Variants in FYB1 observed in about 807,000 individuals in gnomAD.
The protein encoded by FYB1 is FYN-binding protein 1.
FYB1 carries 41 observed loss-of-function variants against 94.1 expected under a neutral mutation model. The observed-to-expected ratio is 0.44, with a 90% confidence interval of 0.34 to 0.57. The LOEUF (loss-of-function observed/expected upper bound fraction) is 0.57. Among genes scored for constraint, FYB1 ranks in the 20% least tolerant of loss-of-function variants. The pLI, the probability that FYB1 is intolerant of heterozygous loss-of-function variation, is 0.02. For missense variants in FYB1, 1,050 were observed against 976.8 expected (o/e 1.07, Z -1.00); for synonymous variants, 367 against 353.2 (o/e 1.04, Z -0.44).
At position 39,202,807 on chromosome 5, in the gene FYB1, T is replaced by A; in HGVS notation, c.154A>T (p.Ser52Cys). 1 of 1,613,982 alleles carries A rather than the reference T, an allele frequency of 6.2e-7. No individual in the cohort carries two copies. The highest frequency in any genetic ancestry group is 1.1e-5 in the South Asian group (1 of 91,078). ...QGNASPPAGP[S>C]NVPKFGSPKP... is the part of the protein sequence containing the mutation. Reference sequence around the variant, plus strand: ...GGGGACCCAAACTTAGGTACATTGCTGGGTCCTGCAGGAGGGCTGGCATTT... The same window carrying A: ...GGGGACCCAAACTTAGGTACATTGCAGGGTCCTGCAGGAGGGCTGGCATTT... Residue 52 changes from serine to cysteine, a missense_variant, in exon 2 of 19, where the codon AGC becomes TGC. Coordinates refer to ENST00000512982, the MANE Select transcript of FYB1 (RefSeq NM_001465.6).
At chr5:39,273,318 G>GA (rs202196745) in intron 1 of FYB1, among the ~76,000 whole-genome samples, 3,117 of 150,594 alleles carry the variant, frequency 0.021, 111 homozygotes, top group African/African-American at 0.07. Flanking sequence ...TTCTGCCTTG[G>GA]AAAAAAAAAG....
At chr5:39,146,385 C>T (rs1742662871) in intron 3 of FYB1, among the ~76,000 whole-genome samples, 1 of 152,132 alleles carries the variant, frequency 6.6e-6, no homozygotes, top group Non-Finnish European at 1.5e-5. Context: ...TTTCTCTTTT[C>T]ACTACCAGGC....
At chr5:39,256,915 A>T (rs1435881882) in intron 1 of FYB1, among the ~76,000 whole-genome samples, 1 of 152,248 alleles carries the variant, frequency 6.6e-6, no homozygotes, top group East Asian at 1.9e-4. Flanking sequence ...AAGTGATGGT[A>T]GTTCTTTTGG....
intron 1 of FYB1, among the ~76,000 whole-genome samples, chr5:39,234,545 TCTACCCAAAGGATTATAAATCATGCTA>T (rs1561296571): frequency 6.6e-6 from 1 of 152,192 alleles, no homozygotes; most frequent in Non-Finnish European, 1.5e-5. Context: ...TTACTGGGTA[TCTACCCAAAGGATTATAAATCATGCTA>T]CTATAAAGAC....
At chr5:39,246,234 C>A (rs1028403458) in intron 1 of FYB1, among the ~76,000 whole-genome samples, 5 of 152,046 alleles carry the variant, frequency 3.3e-5, no homozygotes, top group African/African-American at 4.8e-5. Context: ...AAAGAGAGAC[C>A]CTAACCTCAG....
intron 17 of FYB1, among the ~76,000 whole-genome samples, chr5:39,109,353 A>G (rs978916477): frequency 1.3e-5 from 2 of 152,138 alleles, no homozygotes; most frequent in Non-Finnish European, 2.9e-5. Context: ...TGGTGAACCA[A>G]CAATTACTTA....
At chr5:39,198,190 G>A (rs773838637) in intron 2 of FYB1, among the ~76,000 whole-genome samples, 9 of 152,084 alleles carry the variant, frequency 5.9e-5, no homozygotes, top group Admixed American at 2.0e-4. Context: ...TATTATACTC[G>A]TTTTTTCAAA....
intron 2 of FYB1, among the ~76,000 whole-genome samples, chr5:39,173,881 C>T (rs766406560): frequency 3.9e-5 from 6 of 152,048 alleles, no homozygotes; most frequent in Admixed American, 2.0e-4. Context: ...CAGTAAGATG[C>T]CTTTGGCTTA....
At chr5:39,198,556 T>C (rs1422827668) in intron 2 of FYB1, among the ~76,000 whole-genome samples, 1 of 152,210 alleles carries the variant, frequency 6.6e-6, no homozygotes, top group African/African-American at 2.4e-5. Flanking sequence ...TAATGATTAC[T>C]TGACTTTATG....
chr5:39,209,837 C>G (rs1235946140), intron 1 of FYB1, among the ~76,000 whole-genome samples: 2 of 152,186 alleles, frequency 1.3e-5, no homozygotes, highest in Non-Finnish European at 2.9e-5. Flanking sequence ...TAAATTTCAC[C>G]TTGATTGGTC....
intron 3 of FYB1, among the ~76,000 whole-genome samples, chr5:39,148,565 C>T (rs1742980560): frequency 6.6e-6 from 1 of 151,686 alleles, no homozygotes; most frequent in South Asian, 2.1e-4. Context: ...TTTAAGCCAA[C>T]ACTTTCCAAC....
At chr5:39,107,542 G>T in intron 18 of FYB1, 77 bp from the exon 19 acceptor site, 1 of 987,092 alleles carries the variant, frequency 1.0e-6, no homozygotes. Flanking sequence ...GGAAATGTGG[G>T]TGATTCATAC....
chr5:39,122,201 T>C (rs1325637198), intron 14 of FYB1, 135 bp downstream of exon 14: 21 of 601,588 alleles, frequency 3.5e-5, no homozygotes, highest in Admixed American at 6.0e-5. Flanking sequence ...GAAGGAAGCA[T>C]AGCTTTAGAG....
chr5:39,238,914 A>G lies in FYB1; in HGVS notation c.-28+35489T>C, dbSNP rs73749468. ...GAGAACATGCTGGGTATTTCTGCAC[A>G]TGCCAGTGTGCCTTTTTGGCCACCT... On this transcript the variant is annotated intron_variant, in intron 1 of 1. Coordinates refer to the FYB1 transcript ENST00000510188. Among the ~76,000 whole-genome samples, 187 of 152,218 alleles carry G rather than the reference A, an allele frequency of 1.2e-3. 2 individuals are homozygous for G. Among genetic ancestry groups the G allele is most frequent in the African/African-American group, 4.3e-3 (179 of 41,554 alleles).
intron 10 of FYB1, 137 bp from the exon 11 acceptor site, chr5:39,127,944 A>G (rs1191445633): frequency 2.5e-6 from 2 of 798,678 alleles, no homozygotes; most frequent in African/African-American, 3.6e-5. Context: ...TTAAATAAAA[A>G]CACTTTGTTG....
chr5:39,226,813 G>T (rs1291123872), intron 1 of FYB1, among the ~76,000 whole-genome samples: 1 of 152,186 alleles, frequency 6.6e-6, no homozygotes, highest in Non-Finnish European at 1.5e-5. Context: ...ATTGTAACTA[G>T]CTCCCTCCTC....
At chr5:39,145,922 C>CTT (rs200987059) in intron 3 of FYB1, among the ~76,000 whole-genome samples, 4 of 140,348 alleles carry the variant, frequency 2.9e-5, no homozygotes, top group Non-Finnish European at 4.7e-5. Context: ...CTTTTTTTTT[C>CTT]TTTTTTTTAA....
At chr5:39,222,630 A>G (rs1370597573), upstream of FYB1, among the ~76,000 whole-genome samples, 1 of 152,222 alleles carries the variant, frequency 6.6e-6, no homozygotes, top group Non-Finnish European at 1.5e-5. Context: ...AGTGTCTGAA[A>G]GGTTTGAAGA....
chr5:39,134,751 A>T, intron 8 of FYB1, 104 bp downstream of exon 8: 1 of 1,198,554 alleles, frequency 8.3e-7, no homozygotes, highest in South Asian at 1.4e-5. Flanking sequence ...CACTCTGTAA[A>T]GTACTCCTAA....
Sources: gnomAD v4.1 joint callset for allele counts (sites outside exome capture counted in the v4.1 genomes callset) on GRCh38, gnomAD v4.1.1 for gene constraint, MANE v1.5 for transcripts, NCBI Gene and HGNC (gene_info 2026-07-23, HGNC 2026-07-21) for gene names.